EPB41L3: variants seen among roughly 807,000 people sequenced by gnomAD.
EPB41L3 encodes band 4.1-like protein 3.
In EPB41L3, 57 loss-of-function variants were observed where a neutral mutation model predicts 127.1. The ratio of observed to expected loss-of-function variants is 0.45; its 90% confidence interval spans 0.36 to 0.56. The LOEUF (loss-of-function observed/expected upper bound fraction) is 0.56. Among genes scored for constraint, EPB41L3 ranks in the 20% least tolerant of loss-of-function variants. EPB41L3 has a pLI of 0.00. For missense variants in EPB41L3, 1,273 were observed against 1,372.2 expected (o/e 0.93, Z 1.14); for synonymous variants, 572 against 549.5 (o/e 1.04, Z -0.57).
chr18:5,614,946 T>G (rs2094775569), intron 1 of EPB41L3, among the ~76,000 whole-genome samples: 1 of 151,986 alleles, frequency 6.6e-6, no homozygotes, highest in African/African-American at 2.4e-5. Context: ...ATGAAGAGAG[T>G]ATGAACATGG....
chr18:5,622,072 A>C (rs11874896), intron 1 of EPB41L3, among the ~76,000 whole-genome samples: 1 of 151,926 alleles, frequency 6.6e-6, no homozygotes, highest in African/African-American at 2.4e-5. Context: ...TTTTTTTTAA[A>C]CATGAAAAAG....
At chr18:5,586,331 T>C (rs1448035898) in intron 3 of EPB41L3, among the ~76,000 whole-genome samples, 2 of 152,152 alleles carry the variant, frequency 1.3e-5, no homozygotes, top group African/African-American at 4.8e-5. Flanking sequence ...AAGAGGCAGA[T>C]ATTATAAGTA....
rs117538203 is a variant in EPB41L3 at position 5,419,724 on chromosome 18, C to T, written c.1493G>A (p.Arg498Gln). 9,264 of 1,614,108 alleles carry T rather than the reference C, an allele frequency of 5.7e-3. 35 individuals are homozygous for T. Among genetic ancestry groups the T allele is most frequent in the Middle Eastern group, 0.021 (124 of 6,024 alleles). The change falls in exon 12 of 23, where the codon CGG becomes CAG. Residue 498 changes from arginine (R) to glutamine (Q), a missense_variant. This residue lies in a region of EPB41L3 where 765 missense variants were observed against 782.9 expected (regional missense o/e 0.98). Transcript: ENST00000341928. Reference protein sequence around the residue: ...GEEVTPISAIRHEGKSPGLGT... With the variant: ...GEEVTPISAIQHEGKSPGLGT... ...TGGGAGCTATACCTTTCCCTCGTGC[C>T]GGATGGCCGAGATGGGCGTGACTTC...
At chr18:5,624,195 T>A (rs1478361165) in intron 1 of EPB41L3, among the ~76,000 whole-genome samples, 3 of 152,142 alleles carry the variant, frequency 2.0e-5, no homozygotes, top group African/African-American at 7.2e-5. Flanking sequence ...GGAGACAACA[T>A]CTCAATTTGT....
Position 5,397,966 on chromosome 18 carries a change from A to G in EPB41L3, c.2472+55T>C, listed in dbSNP as rs2073862299. The G allele has an allele frequency of 2.5e-6, 4 of 1,610,754 alleles. No individual in the cohort carries two copies. The African/African-American group carries it at 4.0e-5, about 16-fold the overall frequency. On this transcript the variant is annotated intron_variant, in intron 17 of 22. Transcript: ENST00000341928. The surrounding 1 kb of genome is among the most constrained non-coding windows in gnomAD (Gnocchi z 4.1). ...ACACACTCACGCCCAAAAAAAGGGT[A>G]AGGAAAGGCACATGGGCACATTCAG...
intron 16 of EPB41L3, among the ~76,000 whole-genome samples, chr18:5,405,053 G>T (rs975399896): frequency 2.6e-5 from 4 of 152,076 alleles, no homozygotes; most frequent in African/African-American, 9.7e-5. Flanking sequence ...TGCATAAAAG[G>T]GTCCTTTTTA....
At chr18:5,534,072 A>C (rs1161027471) in intron 1 of EPB41L3, among the ~76,000 whole-genome samples, 1 of 152,198 alleles carries the variant, frequency 6.6e-6, no homozygotes, top group Non-Finnish European at 1.5e-5. Context: ...CTGAGGCAGG[A>C]GAATGGCATG....
chr18:5,479,578 C>T (rs1179599563), intron 2 of EPB41L3: 1 of 152,066 alleles, frequency 6.6e-6, no homozygotes, highest in African/African-American at 2.4e-5. Context: ...TGTTTTCCAT[C>T]CAAAAGATTG....
At chr18:5,395,531 C>G (rs1427065597) in intron 20 of EPB41L3, 78 bp downstream of exon 20, 3 of 1,377,402 alleles carry the variant, frequency 2.2e-6, no homozygotes, top group Non-Finnish European at 3.1e-6. Context: ...TGCAGCCCAA[C>G]CTGTGAGGAG....
intron 1 of EPB41L3, among the ~76,000 whole-genome samples, chr18:5,618,757 A>C (rs2094826989): frequency 6.6e-6 from 1 of 152,228 alleles, no homozygotes; most frequent in East Asian, 1.9e-4. Context: ...GGACAAATTC[A>C]TCTTGTCTCT....
chr18:5,395,637 C>T lies in EPB41L3; in HGVS notation c.3044G>A (p.Ser1015Asn). The T allele has an allele frequency of 1.9e-6, 3 of 1,614,102 alleles. No homozygotes were observed. The highest frequency in any genetic ancestry group is 2.5e-6 in the Non-Finnish European group (3 of 1,179,988). Residue 1015 changes from serine to asparagine, a missense_variant, in exon 20 of 23, where the codon AGT (serine) becomes AAT (asparagine). This residue lies in a region of EPB41L3 where 765 missense variants were observed against 782.9 expected (regional missense o/e 0.98). Coordinates refer to ENST00000341928, the MANE Select transcript of EPB41L3 (RefSeq NM_012307.5). ...GGTGATGTGCGTAGTGGTGGTGGTA[C>T]TGGTGGTTTCAGATGTGATCGTCTG... is the stretch of plus-strand genomic sequence containing the variant. ...SAQTITSETT[S>N]TTTTTHITKT...
intron 13 of EPB41L3, among the ~76,000 whole-genome samples, chr18:5,412,302 A>T (rs1476771289): frequency 6.6e-6 from 1 of 151,934 alleles, no homozygotes; most frequent in Non-Finnish European, 1.5e-5. Context: ...GGTTCAAGTG[A>T]TTCTCACACC....
At chr18:5,396,610 T>A (rs2073536380) in intron 18 of EPB41L3, among the ~76,000 whole-genome samples, 1 of 152,166 alleles carries the variant, frequency 6.6e-6, no homozygotes, top group Non-Finnish European at 1.5e-5. Flanking sequence ...AAACTAATAA[T>A]GAGACATTAA....
rs143150345 is a variant in EPB41L3, at chr18:5,417,367, T to G, written c.1507-989A>C. ...TCTCCTCCTCTCTGGGTCCTGGAAGTCTCCACGACCAGGGCCAGTTTCCTC... is the reference window on the plus strand; with the variant it reads ...TCTCCTCCTCTCTGGGTCCTGGAAGGCTCCACGACCAGGGCCAGTTTCCTC... On this transcript the variant is annotated intron_variant, in intron 12 of 22. Coordinates refer to ENST00000341928, the MANE Select transcript of EPB41L3 (RefSeq NM_012307.5). Among the ~76,000 whole-genome samples the G allele has an allele frequency of 9.9e-5, 15 of 152,178 alleles. No homozygotes were observed. In the East Asian group the frequency reaches 2.5e-3, roughly 26 times the overall value.
chr18:5,581,504 T>A (rs1211317770), intron 3 of EPB41L3, among the ~76,000 whole-genome samples: 1 of 152,088 alleles, frequency 6.6e-6, no homozygotes, highest in Non-Finnish European at 1.5e-5. Context: ...GAGTTAGAAA[T>A]AAAATAAAGA....
At chr18:5,542,160 C>T (rs1230386495) in intron 1 of EPB41L3, among the ~76,000 whole-genome samples, 1 of 152,198 alleles carries the variant, frequency 6.6e-6, no homozygotes, top group Non-Finnish European at 1.5e-5. Context: ...TTTAAACACT[C>T]ACTCTGAGCC....
chr18:5,590,759 C>T (rs982941348), intron 3 of EPB41L3, among the ~76,000 whole-genome samples: 1 of 152,186 alleles, frequency 6.6e-6, no homozygotes, highest in Non-Finnish European at 1.5e-5. Context: ...CAACAACTTG[C>T]ATGAATCTCA....
intron 1 of EPB41L3, among the ~76,000 whole-genome samples, chr18:5,504,794 C>T (rs1410924495): frequency 1.3e-5 from 2 of 152,112 alleles, no homozygotes; most frequent in Non-Finnish European, 2.9e-5. Flanking sequence ...GTGTCCTCCG[C>T]TACTCCTGAT....
At chr18:5,578,028 G>A (rs562723115) in intron 3 of EPB41L3, among the ~76,000 whole-genome samples, 7 of 151,578 alleles carry the variant, frequency 4.6e-5, no homozygotes, top group East Asian at 2.0e-4. Flanking sequence ...TGGCCACACC[G>A]ATAAGCAGCA....
Sources: allele counts gnomAD v4.1 joint callset (sites outside exome capture counted in the v4.1 genomes callset), GRCh38; gene constraint gnomAD v4.1.1; regional missense constraint gnomAD v4.1.1; non-coding constraint Gnocchi (gnomAD v3.1); transcripts MANE v1.5; gene names NCBI Gene and HGNC (gene_info 2026-07-23, HGNC 2026-07-21).